The following PRKAR2B variants were observed in gnomAD, a reference collection of about 807,000 sequenced individuals.
PRKAR2B encodes the protein cAMP-dependent protein kinase type II-beta regulatory subunit.
In PRKAR2B, 14 loss-of-function variants were observed where a neutral mutation model predicts 49.9. That is an observed-to-expected ratio of 0.28 (90% CI 0.19 to 0.44). The LOEUF (loss-of-function observed/expected upper bound fraction) is 0.44. Among genes scored for constraint, PRKAR2B ranks in the 20% least tolerant of loss-of-function variants. The probability of loss-of-function intolerance (pLI) is 1.00; values close to 1 mark genes in which losing one functional copy is unlikely to be tolerated. For synonymous variants in PRKAR2B, 196 were observed against 197.7 expected (o/e 0.99, Z 0.07); for missense variants, 393 against 537.9 (o/e 0.73, Z 2.67).
Position 107,157,190 on chromosome 7 carries a change from A to G in PRKAR2B, c.989A>G (p.Lys330Arg), listed in dbSNP as rs762889848. 3.1e-6 allele frequency: 5 copies of G among 1,612,540 alleles called. 1 individual carries two copies. The South Asian group carries it at 5.5e-5, about 18-fold the overall frequency. Residue 330 changes from lysine to arginine, a missense_variant, in exon 10 of 11, where the codon AAA becomes AGA. By Grantham distance (26) the Lys-to-Arg change is conservative. Around this residue, in one of 2 missense-constraint regions of PRKAR2B, gnomAD observed 233 missense variants for 390.4 expected, o/e 0.60. Transcript: ENST00000265717. ...TCTTTTTAATTGCCTTGTCAGGGTA[A>G]ATCAGAAGTGGAAGAGAATGGTGCA... ...EVKITMKRKG[K>R]SEVEENGAVE...
At chr7:107,105,852 A>C (rs1351947439) in intron 2 of PRKAR2B, among the ~76,000 whole-genome samples, 1 of 152,208 alleles carries the variant, frequency 6.6e-6, no homozygotes, top group African/African-American at 2.4e-5. Context: ...ACCCTGAGGC[A>C]GAAGAGTGCT....
chr7:107,068,659 T>G (rs1794200909), intron 1 of PRKAR2B: 1 of 152,160 alleles, frequency 6.6e-6, no homozygotes, highest in African/African-American at 2.4e-5. Flanking sequence ...TTGTTATAAA[T>G]GATAATATCT....
At chr7:107,095,880 T>C (rs1487780778) in intron 2 of PRKAR2B, among the ~76,000 whole-genome samples, 1 of 152,238 alleles carries the variant, frequency 6.6e-6, no homozygotes, top group Non-Finnish European at 1.5e-5. Flanking sequence ...ATAAGTTTCT[T>C]GATGTGCTGC....
intron 4 of PRKAR2B, 107 bp downstream of exon 4, chr7:107,128,402 T>C: frequency 1.1e-5 from 8 of 716,828 alleles, no homozygotes; most frequent in Non-Finnish European, 1.6e-5. Context: ...CTGATCACCC[T>C]GGGGTGATGG....
chr7:107,138,826 AGT>A (rs1329695121), intron 4 of PRKAR2B, among the ~76,000 whole-genome samples: 1 of 152,038 alleles, frequency 6.6e-6, no homozygotes, highest in Non-Finnish European at 1.5e-5. Flanking sequence ...TGAGACGACA[AGT>A]GTGCACCACC....
At chr7:107,126,420 C>CCAAAAAAAAAAAAAAAAAAA (rs1795493991) in intron 3 of PRKAR2B, among the ~76,000 whole-genome samples, 1 of 38,392 alleles carries the variant, frequency 2.6e-5, no homozygotes, top group Non-Finnish European at 5.2e-5. Context: ...GAATCTGTCT[C>CCAAAAAAAAAAAAAAAAAAA]AAAAAAAAAA....
At chr7:107,156,942 A>T in intron 8 of PRKAR2B, 42 bp from the exon 9 acceptor site, 2 of 1,514,876 alleles carry the variant, frequency 1.3e-6, no homozygotes, top group Non-Finnish European at 1.8e-6. Context: ...TTGTCAATTA[A>T]TTTGCATTTT....
chr7:107,086,850 C>G (rs560410991), intron 2 of PRKAR2B, among the ~76,000 whole-genome samples: 1 of 152,268 alleles, frequency 6.6e-6, no homozygotes, highest in Admixed American at 6.5e-5. Flanking sequence ...TAATATCGAA[C>G]TATCCTTATA....
intron 2 of PRKAR2B, among the ~76,000 whole-genome samples, chr7:107,086,570 T>G (rs537831293): frequency 1.4e-4 from 22 of 152,090 alleles, no homozygotes; most frequent in African/African-American, 5.3e-4. Context: ...CAAGTGATGC[T>G]CCCACCTCAG....
At chr7:107,073,922 C>T (rs949377344) in intron 2 of PRKAR2B, among the ~76,000 whole-genome samples, 17 of 151,860 alleles carry the variant, frequency 1.1e-4, no homozygotes, top group African/African-American at 3.9e-4. Context: ...ATTAGTCAGG[C>T]ATGGTGGCGC....
rs561198908 is a variant in PRKAR2B at position 107,062,708 on chromosome 7, A to T, written c.308-7573A>T. 4.8e-4 allele frequency among the ~76,000 whole-genome samples: 73 copies of T among 152,062 alleles called. 1 individual carries two copies. Among genetic ancestry groups the T allele is most frequent in the East Asian group, 3.7e-3 (19 of 5,182 alleles). On this transcript the variant is annotated intron_variant, in intron 1 of 10. Coordinates refer to ENST00000265717, the MANE Select transcript of PRKAR2B (RefSeq NM_002736.3). ...GTATGTCAATTTCACATCTTTTTTT[A>T]AAAAAAATTGGAAATGTGGACACTC...
intron 1 of PRKAR2B, among the ~76,000 whole-genome samples, chr7:107,060,056 T>G (rs972918251): frequency 1.1e-5 from 1 of 90,268 alleles, no homozygotes; most frequent in East Asian, 3.2e-4. Context: ...TTTTGGAAAA[T>G]ATAGTTTTTT....
At chr7:107,067,461 G>A (rs1026620549) in intron 1 of PRKAR2B, 2 of 152,098 alleles carry the variant, frequency 1.3e-5, no homozygotes, top group African/African-American at 2.4e-5. Flanking sequence ...CCAATCCTAT[G>A]CCCCATTTAC....
intron 5 of PRKAR2B, among the ~76,000 whole-genome samples, chr7:107,143,378 A>G (rs1368339069): frequency 6.6e-6 from 1 of 152,220 alleles, no homozygotes; most frequent in Admixed American, 6.5e-5. Context: ...CAGCTTATTC[A>G]GCATCCCCGA....
chr7:107,159,885 ATAAT>A lies in PRKAR2B; in HGVS notation c.*307_*310del, dbSNP rs1796167805. On this transcript the variant is annotated 3_prime_UTR_variant, in exon 11 of 11. Coordinates refer to ENST00000265717, the MANE Select transcript of PRKAR2B (RefSeq NM_002736.3). ...ATAGAAAGTATCTGTGTTTAAGAAG[ATAAT>A]TAAAGGATGTTATCATAGGCTATAT... 8.1e-6 allele frequency: 2 copies of A among 247,154 alleles called. No individual in the cohort carries two copies. Among genetic ancestry groups the A allele is most frequent in the Admixed American group, 5.0e-5 (1 of 19,864 alleles). The allele number at this position is 247,154 out of a possible 1,614,324, so 15.3% of individuals were successfully genotyped here. A position where few individuals can be genotyped will look rare whatever the true frequency, so the allele number is the denominator to read the frequency against.
chr7:107,067,595 T>C (rs1470415958), intron 1 of PRKAR2B, among the ~76,000 whole-genome samples: 1 of 152,178 alleles, frequency 6.6e-6, no homozygotes, highest in East Asian at 1.9e-4. Flanking sequence ...AAAATGTATT[T>C]CAGTAGGTAT....
Position 107,121,980 on chromosome 7 carries a change from A to G in PRKAR2B, c.372A>G (p.Glu124=). The change falls in exon 3 of 11, where the codon GAA becomes GAG. Residue 124 remains glutamate (E), a synonymous_variant. Coordinates refer to ENST00000265717, the MANE Select transcript of PRKAR2B (RefSeq NM_002736.3). ...GTGCAGAAGCTTATAATCCTGATGA[A>G]GAAGAAGATGATGCAGAGTCCAGGG... The part of the protein sequence containing the change: ...SVCAEAYNPD[E]EEDDAESRII... 6.3e-7 allele frequency: 1 copy of G among 1,598,264 alleles called. No homozygotes were observed. The highest frequency in any genetic ancestry group is 8.6e-7 in the Non-Finnish European group (1 of 1,168,962).
At chr7:107,103,115 A>G (rs1232881542) in intron 2 of PRKAR2B, among the ~76,000 whole-genome samples, 1 of 152,208 alleles carries the variant, frequency 6.6e-6, no homozygotes, top group African/African-American at 2.4e-5. Flanking sequence ...TCTTGCTAAT[A>G]ATCAGTCTTT....
chr7:107,101,995 C>G (rs1421670245), intron 2 of PRKAR2B, among the ~76,000 whole-genome samples: 1 of 149,168 alleles, frequency 6.7e-6, no homozygotes, highest in Non-Finnish European at 1.5e-5. Context: ...TTTCAAGTAA[C>G]CAAGGTGAGA....
Sources: gnomAD v4.1 joint callset for allele counts (sites outside exome capture counted in the v4.1 genomes callset) on GRCh38, gnomAD v4.1.1 for gene constraint, gnomAD v4.1.1 regional missense constraint, MANE v1.5 for transcripts, NCBI Gene and HGNC (gene_info 2026-07-23, HGNC 2026-07-21) for gene names.